Variants in MAGI1 observed in about 807,000 individuals in gnomAD.
MAGI1 encodes the protein membrane associated guanylate kinase, WW and PDZ domain containing 1.
In MAGI1, 58 loss-of-function variants were observed where a neutral mutation model predicts 139.9. The ratio of observed to expected loss-of-function variants is 0.41; its 90% CI spans 0.34 to 0.52. MAGI1 has a LOEUF of 0.52. Among genes scored for constraint, MAGI1 ranks in the 20% least tolerant of loss-of-function variants. The pLI is 0.12. For synonymous variants in MAGI1, 812 were observed against 737.9 expected, an observed-to-expected ratio of 1.10 and a Z score of -1.63; for missense variants, 1,874 against 1,901.6, an observed-to-expected ratio of 0.99 and a Z score of 0.27.
At chr3:65,432,596 C>T (rs1947542931) in intron 10 of MAGI1, among the ~76,000 whole-genome samples, 1 of 152,146 alleles carries the variant, frequency 6.6e-6, no homozygotes, top group African/African-American at 2.4e-5. Context: ...AAACTACAGC[C>T]CTGTCATAGT....
At chr3:65,723,474 TG>T in intron 1 of MAGI1, among the ~76,000 whole-genome samples, 1 of 152,180 alleles carries the variant, frequency 6.6e-6, no homozygotes, top group East Asian at 1.9e-4. Flanking sequence ...TTGGCACCTC[TG>T]GCTGTAGAAT....
At chr3:65,450,875 T>C (rs1948993467) in intron 6 of MAGI1, among the ~76,000 whole-genome samples, 1 of 152,176 alleles carries the variant, frequency 6.6e-6, no homozygotes, top group African/African-American at 2.4e-5. Flanking sequence ...AACCAATATG[T>C]TTTTCTGCTT....
At chr3:65,537,353 C>G (rs868370944) in intron 2 of MAGI1, among the ~76,000 whole-genome samples, 1 of 152,194 alleles carries the variant, frequency 6.6e-6, no homozygotes, top group Non-Finnish European at 1.5e-5. Flanking sequence ...CAGGCACTCC[C>G]TTCTCCATGT....
intron 12 of MAGI1, 168 bp from the exon 13 acceptor site, chr3:65,401,638 C>CA: frequency 6.5e-7 from 1 of 1,549,546 alleles, no homozygotes; most frequent in Non-Finnish European, 8.7e-7. Flanking sequence ...CATATCGAAT[C>CA]AAAGCAGAGG....
intron 12 of MAGI1, among the ~76,000 whole-genome samples, chr3:65,421,205 T>G (rs1380211561): frequency 6.6e-6 from 1 of 152,232 alleles, no homozygotes; most frequent in Non-Finnish European, 1.5e-5. Context: ...CTGATAACTT[T>G]AAACCATGGC....
intron 2 of MAGI1, among the ~76,000 whole-genome samples, chr3:65,591,491 A>G (rs1484077946): frequency 6.6e-6 from 1 of 152,066 alleles, no homozygotes; most frequent in African/African-American, 2.4e-5. Context: ...CTGTCATAAC[A>G]ACTTCCTGTC....
intron 6 of MAGI1, 78 bp downstream of exon 6, chr3:65,453,171 CGACTGACCT>C (rs1345018376): frequency 8.6e-7 from 1 of 1,162,472 alleles, no homozygotes; most frequent in Non-Finnish European, 1.3e-6. Flanking sequence ...ACATAAGACC[CGACTGACCT>C]GGCTACGACT....
chr3:65,982,302 T>C (rs562918339), intron 1 of MAGI1, among the ~76,000 whole-genome samples: 4 of 152,210 alleles, frequency 2.6e-5, no homozygotes, highest in Non-Finnish European at 4.4e-5. Flanking sequence ...TGCTTATCTC[T>C]TGGCCGACAT....
At chr3:65,431,206 C>T (rs1473984297) in intron 10 of MAGI1, among the ~76,000 whole-genome samples, 1 of 152,152 alleles carries the variant, frequency 6.6e-6, no homozygotes, top group East Asian at 1.9e-4. Flanking sequence ...GCCACAAACC[C>T]CTTCACAGAA....
chr3:65,996,535 A>G (rs1230800122), intron 1 of MAGI1, among the ~76,000 whole-genome samples: 1 of 64,484 alleles, frequency 1.6e-5, no homozygotes, highest in East Asian at 5.2e-4. Flanking sequence ...ATAAATGAAA[A>G]ACTAAGGGGG....
At chr3:65,888,325 G>C (rs2060610693) in intron 1 of MAGI1, among the ~76,000 whole-genome samples, 1 of 152,208 alleles carries the variant, frequency 6.6e-6, no homozygotes, top group Non-Finnish European at 1.5e-5. Context: ...GAGAAAGGAA[G>C]ACTATGTCTT....
At chr3:65,687,870 G>A (rs2088197858) in intron 1 of MAGI1, 1 of 626,876 alleles carries the variant, frequency 1.6e-6, no homozygotes, top group Admixed American at 1.8e-5. Context: ...ACTGGACCCA[G>A]AACTCCGTTT....
intron 7 of MAGI1, among the ~76,000 whole-genome samples, chr3:65,444,591 CCTA>C (rs1474020897): frequency 6.6e-6 from 1 of 152,120 alleles, no homozygotes; most frequent in Non-Finnish European, 1.5e-5. Flanking sequence ...TTGTTGAATG[CCTA>C]CTTTTTGCCC....
At chr3:65,928,905 A>C (rs2062656492) in intron 1 of MAGI1, among the ~76,000 whole-genome samples, 1 of 152,170 alleles carries the variant, frequency 6.6e-6, no homozygotes, top group Non-Finnish European at 1.5e-5. Flanking sequence ...TTTAATTAAA[A>C]ATGCAATTAG....
chr3:65,972,772 C>A (rs2065070173), intron 1 of MAGI1, among the ~76,000 whole-genome samples: 1 of 152,240 alleles, frequency 6.6e-6, no homozygotes, highest in African/African-American at 2.4e-5. Context: ...TACGCATACA[C>A]TTAATCCTCA....
intron 1 of MAGI1, among the ~76,000 whole-genome samples, chr3:65,754,732 C>A (rs1268975388): frequency 1.3e-5 from 2 of 152,140 alleles, no homozygotes; most frequent in Non-Finnish European, 2.9e-5. Flanking sequence ...CCAAATATGC[C>A]AAGTTACAAA....
At chr3:65,959,152 G>A (rs1028116690) in intron 1 of MAGI1, among the ~76,000 whole-genome samples, 5 of 152,178 alleles carry the variant, frequency 3.3e-5, no homozygotes, top group African/African-American at 1.2e-4. Flanking sequence ...CTGGGACTCT[G>A]AACTAGCTTT....
intron 1 of MAGI1, among the ~76,000 whole-genome samples, chr3:65,980,600 G>A (rs1288117019): frequency 6.7e-6 from 1 of 148,960 alleles, no homozygotes; most frequent in African/African-American, 2.5e-5. Context: ...AGAAGTCATT[G>A]TGACTTAGCA....
At chr3:65,833,950 T>C (rs969616009) in intron 1 of MAGI1, among the ~76,000 whole-genome samples, 1 of 152,228 alleles carries the variant, frequency 6.6e-6, no homozygotes, top group African/African-American at 2.4e-5. Flanking sequence ...AGATTACTAG[T>C]ACACATGACT....
Sources: gnomAD v4.1 joint callset for allele counts (sites outside exome capture counted in the v4.1 genomes callset) on GRCh38, gnomAD v4.1.1 for gene constraint, MANE v1.5 for transcripts, NCBI Gene and HGNC (gene_info 2026-07-23, HGNC 2026-07-21) for gene names.